The following NCAPD3 variants were observed in gnomAD, a reference collection of about 807,000 sequenced individuals.
NCAPD3 encodes condensin-2 complex subunit D3.
NCAPD3 carries 105 observed loss-of-function variants against 182.9 expected under a neutral mutation model. That is an observed-to-expected ratio of 0.57 (90% CI 0.49 to 0.68). NCAPD3 has a LOEUF of 0.68. Ranked by LOEUF, NCAPD3 falls within the 30% of genes least tolerant of loss-of-function variation. The pLI is 0.00. For missense variants in NCAPD3, 1,944 were observed against 1,837.0 expected (o/e 1.06, Z -1.07); for synonymous variants, 815 against 679.9 (o/e 1.20, Z -3.09).
chr11:134,217,193 A>G (rs757407989), intron 2 of NCAPD3, 95 bp from the exon 3 acceptor site: 14 of 1,217,450 alleles, frequency 1.1e-5, no homozygotes, highest in Non-Finnish European at 1.2e-5. Context: ...GCCTTACAAA[A>G]AGAGGAATAG....
At chr11:134,202,519 AG>A (rs1290385849) in intron 13 of NCAPD3, among the ~76,000 whole-genome samples, 1 of 152,012 alleles carries the variant, frequency 6.6e-6, no homozygotes, top group Admixed American at 6.5e-5. Flanking sequence ...CTGGGACCAC[AG>A]GGGCACACCA....
rs760752687 is a variant in NCAPD3, at chr11:134,203,895, C to T, written c.1227G>A (p.Arg409=). 6.2e-7 allele frequency: 1 copy of T among 1,613,436 alleles called. No individual in the cohort carries two copies. Among genetic ancestry groups the T allele is most frequent in the Non-Finnish European group, 8.5e-7 (1 of 1,179,608 alleles). Residue 409 remains arginine, a synonymous_variant, in exon 11 of 35, where the codon CGG becomes CGA. Coordinates refer to ENST00000534548, the MANE Select transcript of NCAPD3 (RefSeq NM_015261.3). ...CTAAGACAACATCAAGAGTAAAAAC[C>T]CGGTGTGGGATCTGGTAAAGCAAGA... ...KYSRSSKIPH[R]VFTLDVVLAL... is the part of the protein sequence containing the mutation.
Position 134,151,658 on chromosome 11 carries a change from T to C in NCAPD3, c.*1286A>G, listed in dbSNP as rs2120433663. ...ACGAGGCTGTGATTCTGCCTTTGGA[T>C]GGATGTTGCTGTACACAGATGCTAC... On this transcript the variant is annotated 3_prime_UTR_variant, in exon 35 of 35. Coordinates refer to ENST00000534548, the MANE Select transcript of NCAPD3 (RefSeq NM_015261.3). 1 of 152,346 alleles carries C rather than the reference T, an allele frequency of 6.6e-6. No homozygotes were observed. The highest frequency in any genetic ancestry group is 6.5e-5 in the Admixed American group (1 of 15,308). 9.4% of individuals were successfully genotyped at this position (152,346 alleles called of 1,614,324 possible). A position where few individuals can be genotyped will look rare whatever the true frequency, so the allele number is the denominator to read the frequency against.
chr11:134,189,672 A>G (rs1053495123), intron 16 of NCAPD3, among the ~76,000 whole-genome samples: 6 of 152,218 alleles, frequency 3.9e-5, no homozygotes, highest in African/African-American at 1.4e-4. Context: ...ATCAATTTTT[A>G]TAAATGGTTC....
At chr11:134,159,797 T>G in intron 29 of NCAPD3, 95 bp downstream of exon 29, 1 of 1,333,408 alleles carries the variant, frequency 7.5e-7, no homozygotes, top group Non-Finnish European at 1.0e-6. Context: ...TAACCTCTGA[T>G]GACGGAGATC....
chr11:134,185,198 A>G lies in NCAPD3; in HGVS notation c.2237+137T>C, dbSNP rs1243947546. On this transcript the variant is annotated intron_variant, in intron 17 of 34. Transcript: ENST00000534548. ...GTGAAACATGATTCTTATTTTTTTC[A>G]TGCTTGTTTTTATACCAGGTTTTAA... 4.3e-6 allele frequency: 4 copies of G among 929,362 alleles called. No individual in the cohort carries two copies. The African/African-American group carries it at 6.7e-5, about 16-fold the overall frequency. The allele number at this position is 929,362 out of a possible 1,614,324, so 57.6% of individuals were successfully genotyped here.
At chr11:134,157,440 T>C (rs77649883) in intron 31 of NCAPD3, among the ~76,000 whole-genome samples, 10,179 of 152,266 alleles carry the variant, frequency 0.067, 1,180 homozygotes, top group African/African-American at 0.23. Flanking sequence ...GGATGTTTAC[T>C]GTGATAGTAT....
intron 8 of NCAPD3, among the ~76,000 whole-genome samples, chr11:134,206,202 G>C (rs1002295176): frequency 6.6e-6 from 1 of 152,184 alleles, no homozygotes; most frequent in Non-Finnish European, 1.5e-5. Context: ...AAAGAAACAA[G>C]AAGAAAGTGG....
rs1317454627 is a variant in NCAPD3 at position 134,152,599 on chromosome 11, A to G, written c.*345T>C. On this transcript the variant is annotated 3_prime_UTR_variant, in exon 35 of 35. Transcript: ENST00000534548. ...AGGAATTCAAGTTAACAGAGGCTTGATTTATATAAAAGAAAGCTGCAGTTT... is the reference window on the plus strand; with the variant it reads ...AGGAATTCAAGTTAACAGAGGCTTGGTTTATATAAAAGAAAGCTGCAGTTT... 5.2e-6 allele frequency: 1 copy of G among 191,418 alleles called. No homozygotes were observed. Among genetic ancestry groups the G allele is most frequent in the East Asian group, 1.3e-4 (1 of 7,808 alleles). 11.9% of individuals were successfully genotyped at this position (191,418 alleles called of 1,614,324 possible).
chr11:134,217,974 T>C (rs1334123636), intron 2 of NCAPD3, among the ~76,000 whole-genome samples: 2 of 152,004 alleles, frequency 1.3e-5, no homozygotes, highest in Admixed American at 6.6e-5. Context: ...GGCACACACC[T>C]GTAGTCCCAG....
At chr11:134,219,642 G>A (rs1377648574) in intron 2 of NCAPD3, among the ~76,000 whole-genome samples, 2 of 151,888 alleles carry the variant, frequency 1.3e-5, no homozygotes, top group Non-Finnish European at 2.9e-5. Flanking sequence ...ATTAGCTTTT[G>A]TTCTGTTTCC....
intron 27 of NCAPD3, among the ~76,000 whole-genome samples, chr11:134,165,305 GCA>G (rs1257901197): frequency 6.6e-6 from 1 of 151,052 alleles, no homozygotes; most frequent in Non-Finnish European, 1.5e-5. Flanking sequence ...TAGGGAAGCT[GCA>G]CACTCACTTG....
At chr11:134,162,440 C>T (rs1239276434) in intron 27 of NCAPD3, among the ~76,000 whole-genome samples, 1 of 152,180 alleles carries the variant, frequency 6.6e-6, no homozygotes, top group African/African-American at 2.4e-5. Flanking sequence ...AGTCTTCACA[C>T]TTTACCTTGA....
chr11:134,167,368 G>A (rs1381150023), intron 27 of NCAPD3, among the ~76,000 whole-genome samples: 1 of 87,120 alleles, frequency 1.1e-5, no homozygotes, highest in African/African-American at 5.1e-5. Context: ...TGGGGGAGGC[G>A]CACACTCGTG....
intron 24 of NCAPD3, among the ~76,000 whole-genome samples, chr11:134,171,304 T>C (rs1944000958): frequency 6.6e-6 from 1 of 152,184 alleles, no homozygotes; most frequent in Admixed American, 6.5e-5. Context: ...ATTACAGCCT[T>C]GTAAAAAGAA....
At chr11:134,177,781 G>A (rs11223722) in intron 22 of NCAPD3, 119,908 of 307,410 alleles carry the variant, frequency 0.39, 27,525 homozygotes, top group African/African-American at 0.75. Context: ...AGCCTGAGAG[G>A]TGAAACATTT....
rs1555124988 is a variant in NCAPD3, at chr11:134,158,359, CCT to C, written c.4002_4003del (p.Gly1335AlafsTer71). On this transcript the variant is annotated frameshift_variant, in exon 30 of 35. Coordinates refer to ENST00000534548, the MANE Select transcript of NCAPD3 (RefSeq NM_015261.3). LOFTEE classifies it high-confidence loss of function. ...TTTGGGCAGCAACCTCTGCAATGGCCCTGTTTCAGGTGTAGGAGATGATACTG... is the reference window on the plus strand; with the variant it reads ...TTTGGGCAGCAACCTCTGCAATGGCCGTTTCAGGTGTAGGAGATGATACTG... 1 of 1,614,120 alleles carries C rather than the reference CCT, an allele frequency of 6.2e-7. No homozygotes were observed. Among genetic ancestry groups the C allele is most frequent in the Non-Finnish European group, 8.5e-7 (1 of 1,180,034 alleles).
At chr11:134,180,942 A>C in intron 20 of NCAPD3, 135 bp downstream of exon 20, 1 of 626,428 alleles carries the variant, frequency 1.6e-6, no homozygotes, top group Non-Finnish European at 2.8e-6. Context: ...ATCTTCTAAA[A>C]AGAGAAAGTA....
upstream of NCAPD3, chr11:134,224,180 C>T (rs970871549): frequency 6.8e-6 from 4 of 588,340 alleles, no homozygotes; most frequent in South Asian, 2.0e-5. Flanking sequence ...GAGAAGGAGC[C>T]AGGGCCTGAG....
Sources: allele counts gnomAD v4.1 joint callset (sites outside exome capture counted in the v4.1 genomes callset), GRCh38; gene constraint gnomAD v4.1.1; transcripts MANE v1.5; gene names NCBI Gene and HGNC (gene_info 2026-07-23, HGNC 2026-07-21).